The following WASL variants were observed in gnomAD, a reference collection of about 807,000 sequenced individuals.
WASL encodes the protein actin nucleation-promoting factor WASL.
A neutral mutation model predicts 55.5 loss-of-function variants in WASL; 20 were observed. That is an observed-to-expected ratio of 0.36 (90% CI 0.25 to 0.52). WASL has a LOEUF of 0.52. Ranked by LOEUF, WASL falls within the 20% of genes least tolerant of loss-of-function variation. The pLI is 0.92. For synonymous variants in WASL, 249 were observed against 217.6 expected (o/e 1.14, Z -1.27); for missense variants, 504 against 622.5 (o/e 0.81, Z 2.03).
intron 5 of WASL, among the ~76,000 whole-genome samples, chr7:123,700,188 A>C (rs1478864544): frequency 4.5e-4 from 38 of 85,032 alleles, no homozygotes; most frequent in Non-Finnish European, 4.2e-4. Context: ...AAAAAAAAAA[A>C]AAAAAAAAAA....
At chr7:123,702,152 T>C (rs530392685) in intron 5 of WASL, among the ~76,000 whole-genome samples, 2 of 151,838 alleles carry the variant, frequency 1.3e-5, no homozygotes, top group Non-Finnish European at 2.9e-5. Flanking sequence ...GCCTTCTGGG[T>C]TCAAGCAATT....
intron 1 of WASL, among the ~76,000 whole-genome samples, chr7:123,728,265 T>C (rs561843953): frequency 6.6e-6 from 1 of 152,180 alleles, no homozygotes; most frequent in African/African-American, 2.4e-5. Context: ...CACTAGACTG[T>C]CATTATAAAA....
rs532462935 is a variant in WASL, at chr7:123,740,968, C to T, written c.117+7650G>A. On this transcript the variant is annotated intron_variant, in intron 1 of 10. Coordinates refer to ENST00000223023, the MANE Select transcript of WASL (RefSeq NM_003941.4). ...TGGAGTTTGCAGGTACTCCCCATGT[C>T]TATTGGGTTCTCTGGGTACTTGGAT... Among the ~76,000 whole-genome samples, 4 of 152,284 alleles carry T rather than the reference C, an allele frequency of 2.6e-5. No homozygotes were observed. In the East Asian group the frequency reaches 7.7e-4, roughly 29 times the overall value.
chr7:123,693,795 G>T (rs1003851236), intron 8 of WASL, among the ~76,000 whole-genome samples: 1 of 152,090 alleles, frequency 6.6e-6, no homozygotes, highest in Non-Finnish European at 1.5e-5. Flanking sequence ...GAAAAACCCC[G>T]TTTCTATTAA....
At position 123,692,551 on chromosome 7, in the gene WASL, A is replaced by T. The variant is rs1803430077; in HGVS notation, c.1143T>A (p.Pro381=). 1 of 1,613,118 alleles carries T rather than the reference A, an allele frequency of 6.2e-7. No homozygotes were observed. The highest frequency in any genetic ancestry group is 1.3e-5 in the African/African-American group (1 of 74,750). ...CAGGCGGGGGCGGTGGCCCAGGAGG[A>T]GGTGGAGGTGGAGGCGGTGGGGGTG... is the stretch of plus-strand genomic sequence containing the variant. ...VAPPPPPPPP[P]PPGPPPPPGL... The change falls in exon 9 of 11, where the codon CCT becomes CCA. Residue 381 remains proline, a synonymous_variant. Coordinates refer to ENST00000223023, the MANE Select transcript of WASL (RefSeq NM_003941.4).
chr7:123,726,709 T>C (rs564280542), intron 1 of WASL, among the ~76,000 whole-genome samples: 2 of 152,116 alleles, frequency 1.3e-5, no homozygotes, highest in South Asian at 4.1e-4. Context: ...CTAATCAAAA[T>C]AGATAAATTA....
At chr7:123,685,705 C>T (rs1176728674) in intron 10 of WASL, among the ~76,000 whole-genome samples, 1 of 151,636 alleles carries the variant, frequency 6.6e-6, no homozygotes, top group Non-Finnish European at 1.5e-5. Context: ...ACACACCAGC[C>T]ATTCAATAAA....
chr7:123,725,947 G>C (rs180799728), intron 1 of WASL, among the ~76,000 whole-genome samples: 1 of 152,124 alleles, frequency 6.6e-6, no homozygotes, highest in South Asian at 2.1e-4. Context: ...AAGAAAAGAA[G>C]ATAAACAGAT....
intron 1 of WASL, among the ~76,000 whole-genome samples, chr7:123,720,096 A>C (rs547680017): frequency 6.6e-6 from 1 of 152,282 alleles, no homozygotes; most frequent in East Asian, 1.9e-4. Flanking sequence ...CCTGTTTCCC[A>C]ACAACCAGTT....
At chr7:123,700,446 CTTT>C (rs34850578) in intron 5 of WASL, among the ~76,000 whole-genome samples, 1 of 146,144 alleles carries the variant, frequency 6.8e-6, no homozygotes, top group Admixed American at 6.8e-5. Context: ...TACTTTACCT[CTTT>C]TTTTTTTTTG....
intron 1 of WASL, among the ~76,000 whole-genome samples, chr7:123,739,824 A>G (rs1037894760): frequency 3.3e-5 from 5 of 151,922 alleles, no homozygotes; most frequent in Non-Finnish European, 7.4e-5. Context: ...AAGTCCCACA[A>G]TGATATACCT....
At chr7:123,738,311 G>C (rs1283226895) in intron 1 of WASL, among the ~76,000 whole-genome samples, 1 of 152,134 alleles carries the variant, frequency 6.6e-6, no homozygotes, top group African/African-American at 2.4e-5. Flanking sequence ...TGTATACCAT[G>C]TTTCTAGCAA....
rs377115178 is a variant in WASL, at chr7:123,695,789, A to G, written c.672+34T>C. ...AATAGGCCAACACATTTCCACATAC[A>G]GTTATAACGTATATGATTTGAAAAC... On this transcript the variant is annotated intron_variant, in intron 7 of 10. Transcript: ENST00000223023. 5 of 1,597,320 alleles carry G rather than the reference A, an allele frequency of 3.1e-6. No homozygotes were observed. The African/African-American group carries it at 4.0e-5, about 13-fold the overall frequency.
In WASL at chr7:123,748,872, G is replaced by C. The variant is rs1804495446; in HGVS notation, c.-138C>G. The C allele has an allele frequency of 7.2e-6, 5 of 698,572 alleles. No individual in the cohort carries two copies. The highest frequency in any genetic ancestry group is 1.1e-5 in the Non-Finnish European group (5 of 437,612). The allele number at this position is 698,572 out of a possible 1,614,324, so 43.3% of individuals were successfully genotyped here. On this transcript the variant is annotated 5_prime_UTR_variant, in exon 1 of 11. Coordinates refer to ENST00000223023, the MANE Select transcript of WASL (RefSeq NM_003941.4). ...TCTCGCAGCTCCTCCGGAGCGGGGA[G>C]GAGGACGAGGTCGAGGGAAGCAGGC...
intron 1 of WASL, among the ~76,000 whole-genome samples, chr7:123,716,229 T>A (rs1008904010): frequency 2.0e-5 from 3 of 152,116 alleles, no homozygotes; most frequent in Admixed American, 2.0e-4. Context: ...TATTTATTTA[T>A]TTAGATGGAG....
intron 9 of WASL, among the ~76,000 whole-genome samples, chr7:123,691,674 G>T (rs760287150): frequency 1.3e-5 from 2 of 152,138 alleles, no homozygotes; most frequent in Non-Finnish European, 1.5e-5. Context: ...AACTCTAGAA[G>T]ATTAAATGAC....
chr7:123,741,507 AC>A (rs770115224), intron 1 of WASL, among the ~76,000 whole-genome samples: 29 of 152,166 alleles, frequency 1.9e-4, no homozygotes, highest in Admixed American at 7.9e-4. Flanking sequence ...TGTTTCTAGA[AC>A]CTTTAGAGTA....
intron 1 of WASL, among the ~76,000 whole-genome samples, chr7:123,715,031 A>T (rs1803817077): frequency 6.6e-6 from 1 of 152,170 alleles, no homozygotes; most frequent in Non-Finnish European, 1.5e-5. Context: ...CACAGATTTA[A>T]TGTTAAAGTA....
At chr7:123,690,613 C>T (rs867313337) in intron 9 of WASL, among the ~76,000 whole-genome samples, 25 of 52,678 alleles carry the variant, frequency 4.7e-4, no homozygotes, top group Middle Eastern at 0.011. Context: ...TTTGCTGCTT[C>T]TTTTTTTTTT....
Sources: gnomAD v4.1 joint callset for allele counts (sites outside exome capture counted in the v4.1 genomes callset) on GRCh38, gnomAD v4.1.1 for gene constraint, MANE v1.5 for transcripts, NCBI Gene and HGNC (gene_info 2026-07-23, HGNC 2026-07-21) for gene names.